The following CCDC171 variants were observed in gnomAD, a reference collection of about 807,000 sequenced individuals.
The protein encoded by CCDC171 is coiled-coil domain-containing protein 171.
CCDC171 carries 177 observed loss-of-function variants against 168.2 expected under a neutral mutation model. That is an observed-to-expected ratio of 1.05 (90% confidence interval 0.93 to 1.19). The LOEUF is 1.19. CCDC171 is among the 50% of genes most tolerant of loss of function. The pLI is 0.00. For synonymous variants in CCDC171, 687 were observed against 540.8 expected (o/e 1.27, Z -3.75); for missense variants, 1,991 against 1,539.0 (o/e 1.29, Z -4.91).
At chr9:15,589,053 C>T (rs1005292169) in intron 4 of CCDC171, among the ~76,000 whole-genome samples, 1 of 151,802 alleles carries the variant, frequency 6.6e-6, no homozygotes. Flanking sequence ...CAGAAAACGT[C>T]GTTGTTTTTT....
chr9:15,670,263 A>C (rs185608456), intron 9 of CCDC171, among the ~76,000 whole-genome samples: 8 of 151,288 alleles, frequency 5.3e-5, no homozygotes, highest in Middle Eastern at 3.4e-3. Flanking sequence ...AAATAGTACC[A>C]AAAAAAAAGC....
At chr9:15,559,633 C>T (rs1025215412) in intron 1 of CCDC171, among the ~76,000 whole-genome samples, 3 of 152,068 alleles carry the variant, frequency 2.0e-5, no homozygotes, top group South Asian at 2.1e-4. Flanking sequence ...TGTCTCTGCA[C>T]GTGAGATAGG....
intron 6 of CCDC171, among the ~76,000 whole-genome samples, chr9:15,610,466 A>AC (rs2043585234): frequency 1.4e-5 from 2 of 140,794 alleles, no homozygotes; most frequent in African/African-American, 2.6e-5. Context: ...AAAAAAAAAA[A>AC]AAAAAAAAAA....
At chr9:16,100,906 C>T in the CCDC171 span, among the ~76,000 whole-genome samples, 1,984 of 152,266 alleles carry the variant, frequency 0.013, 38 homozygotes, top group African/African-American at 0.044. Context: ...CTCTCCGATT[C>T]CCTACCCCAT....
At chr9:15,823,431 A>T (rs187490701) in intron 21 of CCDC171, among the ~76,000 whole-genome samples, 1 of 152,154 alleles carries the variant, frequency 6.6e-6, no homozygotes, top group Non-Finnish European at 1.5e-5. Flanking sequence ...TATACTTTAC[A>T]TAAAGTTAAT....
chr9:15,655,864 A>G (rs2047885366), intron 7 of CCDC171, among the ~76,000 whole-genome samples: 1 of 152,220 alleles, frequency 6.6e-6, no homozygotes, highest in South Asian at 2.1e-4. Context: ...TGAGATAACC[A>G]CTACATGCCT....
At chr9:15,694,468 G>C (rs2051060375) in intron 10 of CCDC171, among the ~76,000 whole-genome samples, 1 of 152,152 alleles carries the variant, frequency 6.6e-6, no homozygotes, top group Non-Finnish European at 1.5e-5. Flanking sequence ...ATTCATGATT[G>C]ATACCTCCTG....
chr9:15,571,797 G>C, intron 3 of CCDC171, 38 bp downstream of exon 3: 1 of 1,538,240 alleles, frequency 6.5e-7, no homozygotes, highest in South Asian at 1.3e-5. Flanking sequence ...GTTAAAAGTT[G>C]AGTTTGATTT....
chr9:15,883,375 A>C (rs1818971935), intron 24 of CCDC171, among the ~76,000 whole-genome samples: 1 of 151,978 alleles, frequency 6.6e-6, no homozygotes, highest in Admixed American at 6.5e-5. Flanking sequence ...ATTTTAAAAG[A>C]TTTATTGTAA....
At chr9:15,874,758 A>G in intron 24 of CCDC171, 95 bp downstream of exon 24, 1 of 1,201,790 alleles carries the variant, frequency 8.3e-7, no homozygotes, top group Non-Finnish European at 1.1e-6. Flanking sequence ...ATTGTGAATA[A>G]TTTAAAGGAG....
At chr9:15,587,671 C>T in intron 4 of CCDC171, 3 of 456,642 alleles carry the variant, frequency 6.6e-6, no homozygotes, top group Non-Finnish European at 1.3e-5. Flanking sequence ...TTAACGTCCA[C>T]CTTGAAGCTC....
intron 24 of CCDC171, among the ~76,000 whole-genome samples, chr9:15,890,587 TAGG>T (rs1271212102): frequency 6.6e-6 from 1 of 151,648 alleles, no homozygotes; most frequent in East Asian, 1.9e-4. Context: ...ACTATGGTCT[TAGG>T]AGAATTTCAT....
chr9:15,635,723 C>T (rs1051404301), intron 7 of CCDC171, among the ~76,000 whole-genome samples: 5 of 152,202 alleles, frequency 3.3e-5, no homozygotes, highest in African/African-American at 1.2e-4. Context: ...TCCACTCTTT[C>T]AGCCATAATG....
intron 23 of CCDC171, among the ~76,000 whole-genome samples, chr9:15,865,666 A>G (rs1268862525): frequency 2.0e-5 from 3 of 152,180 alleles, no homozygotes; most frequent in Non-Finnish European, 1.5e-5. Flanking sequence ...TTATAAGAAT[A>G]TAGTATATAA....
intron 21 of CCDC171, among the ~76,000 whole-genome samples, chr9:15,806,134 T>C (rs2059064724): frequency 6.6e-6 from 1 of 152,148 alleles, no homozygotes; most frequent in Admixed American, 6.5e-5. Flanking sequence ...TGTCTTTGCA[T>C]GTGAGATGAG....
intron 11 of CCDC171, among the ~76,000 whole-genome samples, chr9:15,696,586 T>C (rs1478008171): frequency 6.6e-6 from 1 of 152,204 alleles, no homozygotes; most frequent in Non-Finnish European, 1.5e-5. Flanking sequence ...ATTATTGAGA[T>C]GTATCAGTGG....
intron 7 of CCDC171, among the ~76,000 whole-genome samples, chr9:15,647,326 A>G (rs2047127375): frequency 2.0e-5 from 3 of 152,220 alleles, no homozygotes; most frequent in Non-Finnish European, 2.9e-5. Flanking sequence ...ACACCCTAAC[A>G]TCACAATTAA....
chr9:15,870,434 A>G (rs979581683), intron 23 of CCDC171, among the ~76,000 whole-genome samples: 1 of 151,924 alleles, frequency 6.6e-6, no homozygotes, highest in African/African-American at 2.4e-5. Context: ...TTTATTTTGA[A>G]GCATCGGAGG....
Position 16,045,358 on chromosome 9 carries a change from A to C in CCDC171, n.89+2472A>C, listed in dbSNP as rs562016088. Among the ~76,000 whole-genome samples, 14 of 152,310 alleles carry C rather than the reference A, an allele frequency of 9.2e-5. No individual in the cohort carries two copies. The South Asian group carries it at 2.9e-3, about 32-fold the overall frequency. ...ACAGCCCAGGAGGCTTGTCAACCTCAGCACTGTTGACATTTTGAGCTGATG... is the reference window on the plus strand; with the variant it reads ...ACAGCCCAGGAGGCTTGTCAACCTCCGCACTGTTGACATTTTGAGCTGATG... On this transcript the variant is annotated intron_variant and non_coding_transcript_variant, in intron 1 of 1. Transcript: ENST00000478913.
Sources: allele counts gnomAD v4.1 joint callset (sites outside exome capture counted in the v4.1 genomes callset), GRCh38; gene constraint gnomAD v4.1.1; transcripts MANE v1.5; gene names NCBI Gene and HGNC (gene_info 2026-07-23, HGNC 2026-07-21).